Variants in DMD observed in about 807,000 individuals in gnomAD.
DMD encodes dystrophin, also known as mutant dystrophin.
Under a neutral mutation model 330.1 loss-of-function variants are expected in DMD, and 63 were observed. The ratio of observed to expected loss-of-function variants is 0.19; its 90% CI spans 0.16 to 0.24. The LOEUF (loss-of-function observed/expected upper bound fraction) is 0.24, where lower values mean the gene tolerates loss of function less well. DMD is among the 10% of genes least tolerant of loss of function. The pLI is 1.00. For missense variants in DMD, 3,344 were observed against 2,684.1 expected (o/e 1.25, Z -5.43); for synonymous variants, 1,223 against 959.8 (o/e 1.27, Z -5.07).
At chrX:32,459,500 T>C (rs1446657509) in intron 25 of DMD, among the ~76,000 whole-genome samples, 1 of 111,234 alleles carries the variant, frequency 9.0e-6, no homozygotes, top group Non-Finnish European at 1.9e-5. Flanking sequence ...ACCTCGTTTA[T>C]ATGCCCAGTT....
intron 30 of DMD, among the ~76,000 whole-genome samples, chrX:32,398,473 AT>A (rs1488056013): frequency 4.5e-5 from 5 of 110,903 alleles, no homozygotes; most frequent in Non-Finnish European, 9.5e-5. Flanking sequence ...TTCTTATCAA[AT>A]TTAGGTTAAA....
intron 9 of DMD, among the ~76,000 whole-genome samples, chrX:32,668,162 A>G (rs1290195304): frequency 4.5e-5 from 5 of 111,012 alleles, no homozygotes; most frequent in Non-Finnish European, 9.4e-5. Flanking sequence ...AAAAAAAAAA[A>G]GTACACTTAA....
chrX:32,912,046 AG>A (rs2087307032), intron 2 of DMD, among the ~76,000 whole-genome samples: 2 of 32,283 alleles, frequency 6.2e-5, no homozygotes, highest in African/African-American at 4.4e-4. Context: ...AGAGAGAGAG[AG>A]AGAGAGAGAG....
chrX:32,656,180 G>A (rs1261489656), intron 9 of DMD, among the ~76,000 whole-genome samples: 2 of 111,758 alleles, frequency 1.8e-5, no homozygotes, highest in African/African-American at 3.2e-5. Context: ...TGGATATAAC[G>A]CATCCAACTT....
chrX:31,397,106 T>A (rs2060980723), intron 60 of DMD, among the ~76,000 whole-genome samples: 1 of 112,146 alleles, frequency 8.9e-6, no homozygotes, highest in Non-Finnish European at 1.9e-5. Flanking sequence ...GCTCCTTTAT[T>A]TGCAACATTT....
At chrX:32,441,946 T>G (rs143281333) in intron 27 of DMD, among the ~76,000 whole-genome samples, 502 of 111,101 alleles carry the variant, frequency 4.5e-3, no homozygotes, top group African/African-American at 0.011. Flanking sequence ...TTCTTATTAT[T>G]TCCTTGAGGT....
At chrX:32,472,387 A>C (rs1483266724) in intron 21 of DMD, 78 bp from the exon 22 acceptor site, 1 of 983,506 alleles carries the variant, frequency 1.0e-6, no homozygotes, top group Non-Finnish European at 1.4e-6. Context: ...TTGTCAGCAA[A>C]CTCAATTATA....
intron 55 of DMD, among the ~76,000 whole-genome samples, chrX:31,571,953 A>G (rs1302659567): frequency 9.0e-6 from 1 of 111,570 alleles, no homozygotes; most frequent in Non-Finnish European, 1.9e-5. Context: ...GACTTATTCT[A>G]AAGAATTGCT....
chrX:32,854,306 G>A (rs781654121), intron 2 of DMD, among the ~76,000 whole-genome samples: 1 of 111,611 alleles, frequency 9.0e-6, no homozygotes, highest in East Asian at 2.8e-4. Flanking sequence ...CACAAAACAA[G>A]CCTTAAATTC....
At chrX:32,574,370 A>C (rs1000154864) in intron 13 of DMD, among the ~76,000 whole-genome samples, 1 of 112,017 alleles carries the variant, frequency 8.9e-6, no homozygotes, top group Non-Finnish European at 1.9e-5. Context: ...TTATTACAAA[A>C]GTATTAAAAT....
At chrX:32,524,001 C>G (rs190984236) in intron 17 of DMD, among the ~76,000 whole-genome samples, 182 of 104,011 alleles carry the variant, frequency 1.7e-3, no homozygotes, top group African/African-American at 6.0e-3. Flanking sequence ...GGCGCGATCT[C>G]GGCTCACTGC....
At chrX:32,444,362 G>GA (rs202068514) in intron 27 of DMD, among the ~76,000 whole-genome samples, 3,466 of 106,711 alleles carry the variant, frequency 0.032, 143 homozygotes, top group African/African-American at 0.11. Flanking sequence ...ATAGCCCAGA[G>GA]AAAAAAAAAG....
At chrX:32,891,966 T>C (rs757856938) in intron 2 of DMD, among the ~76,000 whole-genome samples, 3 of 111,239 alleles carry the variant, frequency 2.7e-5, no homozygotes, top group Non-Finnish European at 3.8e-5. Context: ...CAATGAACAG[T>C]ATAGCCACGT....
At chrX:32,406,634 G>A (rs146118635) in intron 30 of DMD, among the ~76,000 whole-genome samples, 4,460 of 110,932 alleles carry the variant, frequency 0.04, 200 homozygotes, top group African/African-American at 0.14. Flanking sequence ...GCTTTTTGAT[G>A]TGCTGCTGGA....
intron 12 of DMD, among the ~76,000 whole-genome samples, chrX:32,609,806 G>T (rs1384907959): frequency 1.8e-5 from 2 of 110,678 alleles, no homozygotes; most frequent in African/African-American, 6.5e-5. Context: ...ATTCACATCG[G>T]CAAATTCTTG....
At chrX:31,487,062 G>A (rs995878295) in intron 57 of DMD, among the ~76,000 whole-genome samples, 3 of 111,646 alleles carry the variant, frequency 2.7e-5, no homozygotes, top group African/African-American at 9.8e-5. Context: ...CAAATTCATA[G>A]GGGTTCATGG....
chrX:31,379,987 A>T (rs2148712716), intron 60 of DMD, among the ~76,000 whole-genome samples: 1 of 111,213 alleles, frequency 9.0e-6, no homozygotes, highest in African/African-American at 3.3e-5. Context: ...ACGCTGCCCG[A>T]TTGCCTCAGA....
chrX:32,516,576 C>CA (rs1325264650), intron 18 of DMD: 1 of 111,664 alleles, frequency 9.0e-6, no homozygotes, highest in Non-Finnish European at 1.9e-5. Context: ...GATAAAGAAA[C>CA]AGAGTATCAG....
At chrX:31,809,764 T>C (rs2092403816) in intron 50 of DMD, among the ~76,000 whole-genome samples, 2 of 110,785 alleles carry the variant, frequency 1.8e-5, no homozygotes, top group African/African-American at 6.6e-5. Flanking sequence ...TTTGCATCAA[T>C]GCCATAGAAT....
Sources: gnomAD v4.1 joint callset for allele counts (sites outside exome capture counted in the v4.1 genomes callset) on GRCh38, gnomAD v4.1.1 for gene constraint, MANE v1.5 for transcripts, NCBI Gene and HGNC (gene_info 2026-07-23, HGNC 2026-07-21) for gene names.